The following PSG3 variants were observed in gnomAD, a reference collection of about 807,000 sequenced individuals.
PSG3 encodes the protein pregnancy specific beta-1-glycoprotein 3.
Under a neutral mutation model 47.5 loss-of-function variants are expected in PSG3, and 61 were observed. The ratio of observed to expected loss-of-function variants is 1.28; its 90% confidence interval spans 1.05 to 1.59. PSG3 has a LOEUF of 1.59. Among genes scored for constraint, PSG3 ranks in the 40% most tolerant of loss-of-function variants. The pLI, the probability that PSG3 is intolerant of heterozygous loss-of-function variation, is 0.00. For synonymous variants in PSG3, 263 were observed against 198.4 expected (o/e 1.33, Z -2.74); for missense variants, 756 against 524.0 (o/e 1.44, Z -4.32).
chr19:42,730,089 G>A, intron 3 of PSG3, 33 bp from the exon 4 acceptor site: 2 of 1,604,214 alleles, frequency 1.2e-6, no homozygotes, highest in Middle Eastern at 4.1e-4. Context: ...ATTGTCCTGT[G>A]TGGCACCTTT....
intron 1 of PSG3, 23 bp from the exon 2 acceptor site, chr19:42,739,112 G>T: frequency 1.9e-6 from 3 of 1,584,590 alleles, no homozygotes; most frequent in South Asian, 1.2e-5. Flanking sequence ...GAGAGCATCA[G>T]TCAATATTGA....
At chr19:42,736,998 G>A (rs779823354) in intron 2 of PSG3, among the ~76,000 whole-genome samples, 1 of 152,098 alleles carries the variant, frequency 6.6e-6, no homozygotes, top group Admixed American at 6.5e-5. Context: ...GACAGGGCTT[G>A]CCAGTCAGAA....
intron 6 of PSG3, 117 bp from the exon 7 acceptor site, chr19:42,722,207 A>G (rs886613761): frequency 2.5e-6 from 1 of 397,340 alleles, no homozygotes. Flanking sequence ...CTATGATAAC[A>G]TATTTGATTT....
intron 5 of PSG3, among the ~76,000 whole-genome samples, chr19:42,724,457 TC>T (rs1221625292): frequency 6.6e-6 from 1 of 152,168 alleles, no homozygotes; most frequent in Non-Finnish European, 1.5e-5. Flanking sequence ...ATTCACCACC[TC>T]CTTTGCACAG....
At chr19:42,739,174 T>G in intron 1 of PSG3, 85 bp from the exon 2 acceptor site, 3 of 1,471,984 alleles carry the variant, frequency 2.0e-6, no homozygotes, top group Non-Finnish European at 2.8e-6. Context: ...AGAAGGTCTC[T>G]TCAATCCTCA....
chr19:42,733,946 G>A (rs899138053), intron 2 of PSG3: 12 of 152,160 alleles, frequency 7.9e-5, no homozygotes, highest in African/African-American at 2.4e-4. Flanking sequence ...GACCATATGT[G>A]TTTGGTGGAT....
chr19:42,734,710 A>G (rs1274527455), intron 2 of PSG3, among the ~76,000 whole-genome samples: 1 of 152,202 alleles, frequency 6.6e-6, no homozygotes, highest in African/African-American at 2.4e-5. Flanking sequence ...GCAACTCCTT[A>G]AGTAGAGAGA....
At position 42,738,847 on chromosome 19, in the gene PSG3, A is replaced by T; in HGVS notation, c.307T>A (p.Ser103Thr). The T allele has an allele frequency of 6.2e-7, 1 of 1,614,088 alleles. No individual in the cohort carries two copies. Among genetic ancestry groups the T allele is most frequent in the East Asian group, 2.2e-5 (1 of 44,874 alleles). ...PAYSGRETVYSNASLLIQNVT... is the reference protein window; with the variant it reads ...PAYSGRETVYTNASLLIQNVT... Reference sequence around the variant, plus strand: ...TTCTGGATCAGCAGGGATGCATTGGAATATACTGTTTCTCGTCCACTGTAT... The same window carrying T: ...TTCTGGATCAGCAGGGATGCATTGGTATATACTGTTTCTCGTCCACTGTAT... Residue 103 changes from serine to threonine, a missense_variant, in exon 2 of 7, where the codon TCC (serine) becomes ACC (threonine). Physicochemically the swap from Ser to Thr is moderately conservative, Grantham distance 58. Transcript: ENST00000327495.
chr19:42,723,811 G>A (rs1166020145), intron 6 of PSG3, 131 bp downstream of exon 6: 4 of 732,076 alleles, frequency 5.5e-6, no homozygotes, highest in Non-Finnish European at 9.5e-6. Context: ...GCAGGAATTA[G>A]TGCTGAGAAG....
intron 6 of PSG3, among the ~76,000 whole-genome samples, chr19:42,723,592 C>G (rs1391968542): frequency 6.6e-6 from 1 of 152,120 alleles, no homozygotes; most frequent in Non-Finnish European, 1.5e-5. Flanking sequence ...AGAAGTCAAG[C>G]AATACTTTGA....
chr19:42,737,595 A>C (rs1969587250), intron 2 of PSG3, among the ~76,000 whole-genome samples: 1 of 152,168 alleles, frequency 6.6e-6, no homozygotes, highest in African/African-American at 2.4e-5. Flanking sequence ...ATACAGACTA[A>C]TCAGTTGACC....
chr19:42,722,417 A>C (rs1271165183), intron 6 of PSG3, among the ~76,000 whole-genome samples: 1 of 152,018 alleles, frequency 6.6e-6, no homozygotes, highest in Non-Finnish European at 1.5e-5. Flanking sequence ...AGCCCGGCTA[A>C]TTTTGTTTTT....
intron 5 of PSG3, among the ~76,000 whole-genome samples, chr19:42,725,565 G>T (rs1969362747): frequency 6.6e-6 from 1 of 152,120 alleles, no homozygotes; most frequent in Non-Finnish European, 1.5e-5. Flanking sequence ...CCTAAAATCA[G>T]AAATGAAAAT....
rs1263334385 is a variant in PSG3 at position 42,739,071 on chromosome 19, C to T, written c.83G>A (p.Trp28Ter). 6.2e-7 allele frequency: 1 copy of T among 1,605,788 alleles called. No individual in the cohort carries two copies. The highest frequency in any genetic ancestry group is 1.3e-5 in the African/African-American group (1 of 74,226). Residue 28 changes from tryptophan to a stop codon, truncating the protein, a stop_gained, in exon 2 of 7, where the codon TGG (tryptophan) becomes TAG (stop). Coordinates refer to ENST00000327495, the MANE Select transcript of PSG3 (RefSeq NM_021016.4). LOFTEE classifies it high-confidence loss of function. ...GACTTGGGCAGTGGTAGGCAAGTTC[C>T]AGAAGTTTAAAAGTAATGCTAGGAG... ...LLLTALLLNF[W>*]NLPTTAQVTI...
At chr19:42,733,449 G>C (rs745510668) in intron 2 of PSG3, 6 of 220,170 alleles carry the variant, frequency 2.7e-5, no homozygotes, top group South Asian at 9.9e-5. Flanking sequence ...TTACTTTGCC[G>C]CCCGAGGTAT....
intron 6 of PSG3, among the ~76,000 whole-genome samples, chr19:42,722,383 T>A (rs1440032291): frequency 6.6e-6 from 1 of 152,194 alleles, no homozygotes; most frequent in South Asian, 2.1e-4. Context: ...CCTGAGTAGC[T>A]GGGACTACAG....
chr19:42,724,487 G>C (rs750418803), intron 5 of PSG3, among the ~76,000 whole-genome samples: 2 of 152,090 alleles, frequency 1.3e-5, no homozygotes, highest in South Asian at 4.2e-4. Flanking sequence ...TTTCCTACAG[G>C]CTCCCAGCAA....
chr19:42,738,870 T>C lies in PSG3; in HGVS notation c.284A>G (p.Tyr95Cys), dbSNP rs1969613303. ...GGAATATACTGTTTCTCGTCCACTG[T>C]ATGCAGGCCCATATATAATTATTTG... ...DGQIIIYGPA[Y>C]SGRETVYSNA... Residue 95 changes from tyrosine to cysteine, a missense_variant, in exon 2 of 7, where the codon TAC becomes TGC. By Grantham distance (194) the Tyr-to-Cys change is radical. Coordinates refer to ENST00000327495, the MANE Select transcript of PSG3 (RefSeq NM_021016.4). The C allele has an allele frequency of 6.2e-7, 1 of 1,614,032 alleles. No homozygotes were observed. Among genetic ancestry groups the C allele is most frequent in the Non-Finnish European group, 8.5e-7 (1 of 1,180,004 alleles).
chr19:42,724,991 A>G (rs1383013075), intron 5 of PSG3, among the ~76,000 whole-genome samples: 1 of 152,172 alleles, frequency 6.6e-6, no homozygotes, highest in African/African-American at 2.4e-5. Context: ...CCTGTGAGGT[A>G]GACATTATTT....
Sources: gnomAD v4.1 joint callset for allele counts (sites outside exome capture counted in the v4.1 genomes callset) on GRCh38, gnomAD v4.1.1 for gene constraint, MANE v1.5 for transcripts, NCBI Gene and HGNC (gene_info 2026-07-23, HGNC 2026-07-21) for gene names.